The following NAV3 variants were observed in gnomAD, a reference collection of about 807,000 sequenced individuals.
The protein encoded by NAV3 is neuron navigator 3.
Under a neutral mutation model 244.7 loss-of-function variants are expected in NAV3, and 87 were observed. That is an observed-to-expected ratio of 0.36 (90% CI 0.30 to 0.42). The LOEUF (loss-of-function observed/expected upper bound fraction) is 0.42, where lower values mean the gene tolerates loss of function less well. Ranked by LOEUF, NAV3 falls within the 20% of genes least tolerant of loss-of-function variation. NAV3 has a pLI of 1.00. For synonymous variants in NAV3, 1,126 were observed against 1,042.2 expected (o/e 1.08, Z -1.55); for missense variants, 2,663 against 2,893.3 (o/e 0.92, Z 1.83).
intron 9 of NAV3, among the ~76,000 whole-genome samples, chr12:78,035,773 A>C (rs923582577): frequency 6.6e-6 from 1 of 151,928 alleles, no homozygotes; most frequent in East Asian, 1.9e-4. Context: ...TTATCATCAC[A>C]TTAGGATTTT....
intron 1 of NAV3, among the ~76,000 whole-genome samples, chr12:77,881,057 C>G (rs968851532): frequency 1.8e-4 from 28 of 152,170 alleles, no homozygotes; most frequent in African/African-American, 6.5e-4. Context: ...CAGCCTCAAA[C>G]TCCTCAGTCT....
intron 2 of NAV3, among the ~76,000 whole-genome samples, chr12:77,698,778 G>A (rs745750217): frequency 2.6e-5 from 4 of 152,106 alleles, no homozygotes; most frequent in Non-Finnish European, 2.9e-5. Flanking sequence ...GAATGGCATG[G>A]CTATTGATGT....
At chr12:78,177,912 T>C (rs1162701274) in intron 28 of NAV3, among the ~76,000 whole-genome samples, 1 of 112,962 alleles carries the variant, frequency 8.9e-6, no homozygotes. Flanking sequence ...CACTTTTTGG[T>C]AGTACAGTAG....
At chr12:77,924,622 A>G (rs1334537672) in intron 1 of NAV3, among the ~76,000 whole-genome samples, 2 of 152,164 alleles carry the variant, frequency 1.3e-5, no homozygotes, top group African/African-American at 4.8e-5. Context: ...TGTTCCTTGT[A>G]ATATATCAGG....
chr12:77,779,156 G>A (rs1870539200), intron 2 of NAV3, among the ~76,000 whole-genome samples: 1 of 152,132 alleles, frequency 6.6e-6, no homozygotes, highest in Admixed American at 6.5e-5. Context: ...ATATTGGTTT[G>A]GGATAGATAT....
At chr12:77,877,271 C>A (rs1214369738) in intron 1 of NAV3, among the ~76,000 whole-genome samples, 2 of 151,900 alleles carry the variant, frequency 1.3e-5, no homozygotes, top group Non-Finnish European at 2.9e-5. Context: ...AGATTTTAGT[C>A]CCAGTTATTT....
chr12:77,963,328 C>A lies in NAV3; in HGVS notation c.415-2901C>A, dbSNP rs1307527770. On this transcript the variant is annotated intron_variant, in intron 3 of 39. Coordinates refer to ENST00000397909, the MANE Select transcript of NAV3 (RefSeq NM_001024383.2). ...AATATCATTTTATCATTAAAAAATC[C>A]ACTCAAATTATCTTAAAGTATGCCT... Among the ~76,000 whole-genome samples, 6 of 151,782 alleles carry A rather than the reference C, an allele frequency of 4.0e-5. No individual in the cohort carries two copies. In the South Asian group the frequency reaches 1.0e-3, roughly 26 times the overall value.
intron 24 of NAV3, among the ~76,000 whole-genome samples, chr12:78,171,643 C>T (rs534501829): frequency 1.3e-5 from 2 of 151,614 alleles, no homozygotes; most frequent in South Asian, 4.1e-4. Flanking sequence ...TGATTCTTAT[C>T]ACATTGACCA....
intron 2 of NAV3, among the ~76,000 whole-genome samples, chr12:77,803,697 C>T (rs191657698): frequency 4.1e-4 from 62 of 152,252 alleles, no homozygotes; most frequent in Non-Finnish European, 7.9e-4. Context: ...CTTAAGGAAT[C>T]GCCACTCAGT....
intron 9 of NAV3, among the ~76,000 whole-genome samples, chr12:78,049,210 C>T (rs186905639): frequency 2.1e-3 from 313 of 152,276 alleles, no homozygotes; most frequent in African/African-American, 7.2e-3. Flanking sequence ...CTTCAGCCCC[C>T]TTTCCAGGTG....
intron 7 of NAV3, among the ~76,000 whole-genome samples, chr12:78,003,960 A>C (rs1873763619): frequency 6.6e-6 from 1 of 152,222 alleles, no homozygotes; most frequent in African/African-American, 2.4e-5. Flanking sequence ...GAAAACAAGG[A>C]GTTACCCAAT....
intron 2 of NAV3, among the ~76,000 whole-genome samples, chr12:77,719,798 A>T (rs1210759773): frequency 1.3e-5 from 2 of 152,244 alleles, no homozygotes; most frequent in Non-Finnish European, 2.9e-5. Flanking sequence ...TCAGGGTAAT[A>T]CTGGCTTCCT....
chr12:77,862,245 T>G (rs932178463), intron 1 of NAV3, among the ~76,000 whole-genome samples: 1 of 151,824 alleles, frequency 6.6e-6, no homozygotes, highest in African/African-American at 2.4e-5. Flanking sequence ...GTTTTTAATG[T>G]TTTTAAGTTA....
intron 2 of NAV3, among the ~76,000 whole-genome samples, chr12:77,615,282 T>G (rs79292002): frequency 6.6e-6 from 1 of 152,178 alleles, no homozygotes; most frequent in Non-Finnish European, 1.5e-5. Flanking sequence ...CGGGAGTACA[T>G]GTACAGGTTT....
In NAV3 at chr12:78,210,535, G is replaced by C; in HGVS notation, c.*18G>C. 1 of 1,604,968 alleles carries C rather than the reference G, an allele frequency of 6.2e-7. No homozygotes were observed. The highest frequency in any genetic ancestry group is 8.5e-7 in the Non-Finnish European group (1 of 1,177,154). ...CCCTCTAGAGGGTGAAAAAAGTTAA[G>C]GGAAAAGACTTTGCTTTTAAAAAAA... On this transcript the variant is annotated 3_prime_UTR_variant, in exon 40 of 40. Coordinates refer to ENST00000397909, the MANE Select transcript of NAV3 (RefSeq NM_001024383.2).
intron 12 of NAV3, among the ~76,000 whole-genome samples, chr12:78,103,410 A>T (rs532668240): frequency 1.3e-5 from 2 of 152,258 alleles, no homozygotes; most frequent in African/African-American, 4.8e-5. Flanking sequence ...AAGCCATTCA[A>T]CAAGTCTCTA....
At chr12:77,721,978 G>A (rs1352326475) in intron 2 of NAV3, among the ~76,000 whole-genome samples, 1 of 152,032 alleles carries the variant, frequency 6.6e-6, no homozygotes, top group Non-Finnish European at 1.5e-5. Flanking sequence ...TTCAAAAATA[G>A]CACACCTAGA....
intron 2 of NAV3, among the ~76,000 whole-genome samples, chr12:77,630,021 A>G (rs961779606): frequency 2.6e-5 from 4 of 152,234 alleles, no homozygotes; most frequent in Non-Finnish European, 5.9e-5. Flanking sequence ...ATTGTTACAG[A>G]GTAGTTTTTG....
chr12:77,868,930 G>A (rs770156), intron 1 of NAV3, among the ~76,000 whole-genome samples: 14,180 of 151,732 alleles, frequency 0.093, 747 homozygotes, highest in East Asian at 0.21. Context: ...AAATTAGCTG[G>A]GTGTAGCAGC....
Sources: allele counts gnomAD v4.1 joint callset (sites outside exome capture counted in the v4.1 genomes callset), GRCh38; gene constraint gnomAD v4.1.1; transcripts MANE v1.5; gene names NCBI Gene and HGNC (gene_info 2026-07-23, HGNC 2026-07-21).